Variants in MGMT observed in about 807,000 individuals in gnomAD.
The protein encoded by MGMT is O-6-methylguanine-DNA methyltransferase, also known as methylated-DNA--protein-cysteine methyltransferase.
A neutral mutation model predicts 15.9 loss-of-function variants in MGMT; 14 were observed. That is an observed-to-expected ratio of 0.88 (90% confidence interval 0.58 to 1.37). The LOEUF (loss-of-function observed/expected upper bound fraction) is 1.37. Ranked by LOEUF, MGMT falls within the 40% of genes most tolerant of loss-of-function variation. The pLI, the probability that MGMT is intolerant of heterozygous loss-of-function variation, is 0.00. For missense variants in MGMT, 282 were observed against 268.1 expected, an observed-to-expected ratio of 1.05 and a Z score of -0.36; for synonymous variants, 130 against 118.2, an observed-to-expected ratio of 1.10 and a Z score of -0.65.
At chr10:129,652,213 C>G (rs1315972678) in intron 2 of MGMT, among the ~76,000 whole-genome samples, 1 of 152,244 alleles carries the variant, frequency 6.6e-6, no homozygotes, top group Non-Finnish European at 1.5e-5. Flanking sequence ...ACTCGGGGGG[C>G]CGGCCATGCG....
At chr10:129,693,034 C>T (rs1847987240) in intron 2 of MGMT, among the ~76,000 whole-genome samples, 1 of 152,224 alleles carries the variant, frequency 6.6e-6, no homozygotes, top group Non-Finnish European at 1.5e-5. Flanking sequence ...CACCAATGTA[C>T]TTTTAGTGCA....
chr10:129,667,219 GC>G (rs1847669594), intron 2 of MGMT, among the ~76,000 whole-genome samples: 1 of 152,160 alleles, frequency 6.6e-6, no homozygotes, highest in Non-Finnish European at 1.5e-5. Context: ...TTTTCCTGCT[GC>G]TGCTCCCAGA....
intron 3 of MGMT, among the ~76,000 whole-genome samples, chr10:129,747,202 T>C (rs1848704430): frequency 6.6e-6 from 1 of 152,194 alleles, no homozygotes; most frequent in South Asian, 2.1e-4. Flanking sequence ...TCCTGGGTAT[T>C]TTCCCATAGA....
At chr10:129,727,495 T>G (rs1489807527) in intron 3 of MGMT, among the ~76,000 whole-genome samples, 2 of 152,208 alleles carry the variant, frequency 1.3e-5, no homozygotes, top group Non-Finnish European at 2.9e-5. Context: ...GTCATTTGTG[T>G]TGTTTGGGGC....
intron 2 of MGMT, among the ~76,000 whole-genome samples, chr10:129,686,932 A>G (rs1847910881): frequency 6.6e-6 from 1 of 151,952 alleles, no homozygotes; most frequent in Non-Finnish European, 1.5e-5. Context: ...ACCTCCTAAG[A>G]ACAAAAACAT....
intron 2 of MGMT, among the ~76,000 whole-genome samples, chr10:129,564,668 C>CCCTCCTCTCCTTCCT (rs1564853855): frequency 2.4e-5 from 3 of 123,256 alleles, no homozygotes; most frequent in African/African-American, 9.8e-5. Flanking sequence ...TCCTTCCTCC[C>CCCTCCTCTCCTTCCT]CCTCCTCTCC....
At chr10:129,531,523 C>G (rs1320193155) in intron 1 of MGMT, among the ~76,000 whole-genome samples, 3 of 152,096 alleles carry the variant, frequency 2.0e-5, no homozygotes, top group African/African-American at 7.2e-5. Flanking sequence ...CCGGTGTGCA[C>G]ACCTGCTAGG....
At chr10:129,629,124 A>C (rs1847183142) in intron 2 of MGMT, among the ~76,000 whole-genome samples, 1 of 152,190 alleles carries the variant, frequency 6.6e-6, no homozygotes, top group Non-Finnish European at 1.5e-5. Context: ...CTACACCGCC[A>C]TTTTACCTTC....
At chr10:129,632,707 G>A (rs548155266) in intron 2 of MGMT, among the ~76,000 whole-genome samples, 3 of 152,306 alleles carry the variant, frequency 2.0e-5, no homozygotes, top group African/African-American at 7.2e-5. Context: ...GAGTTTGGGG[G>A]AGAGAGGGAG....
At chr10:129,588,257 TG>T (rs1240693264) in intron 2 of MGMT, among the ~76,000 whole-genome samples, 1 of 152,202 alleles carries the variant, frequency 6.6e-6, no homozygotes, top group Non-Finnish European at 1.5e-5. Flanking sequence ...GCTGACATTT[TG>T]GTTTCACCCG....
chr10:129,472,459 A>G (rs1845242555), intron 1 of MGMT, among the ~76,000 whole-genome samples: 1 of 152,118 alleles, frequency 6.6e-6, no homozygotes, highest in Non-Finnish European at 1.5e-5. Flanking sequence ...GCGAAGAACC[A>G]TTTCGAGCCC....
intron 2 of MGMT, among the ~76,000 whole-genome samples, chr10:129,605,767 C>T (rs759399213): frequency 1.3e-5 from 2 of 152,102 alleles, no homozygotes; most frequent in African/African-American, 4.8e-5. Context: ...CTTTGTTTTG[C>T]GTATTAGCTT....
In MGMT at chr10:129,609,674, T is replaced by C. The variant is rs139631860; in HGVS notation, c.125+73297T>C. 4.6e-3 allele frequency among the ~76,000 whole-genome samples: 703 copies of C among 152,278 alleles called. 3 individuals are homozygous for C. The highest frequency in any genetic ancestry group is 0.016 in the African/African-American group (668 of 41,556). On this transcript the variant is annotated intron_variant, in intron 2 of 4. Coordinates refer to ENST00000651593, the MANE Select transcript of MGMT (RefSeq NM_002412.5). ...CTGATACTTCCATTCGGGAGCAGGA[T>C]GAGTAAGACCTGGTGCTTCTTTGCT...
intron 2 of MGMT, among the ~76,000 whole-genome samples, chr10:129,679,583 A>T (rs183017000): frequency 6.6e-6 from 1 of 152,122 alleles, no homozygotes; most frequent in Non-Finnish European, 1.5e-5. Flanking sequence ...AAGTAATAGG[A>T]TATCCTTTAG....
intron 2 of MGMT, among the ~76,000 whole-genome samples, chr10:129,653,335 G>A (rs1847484441): frequency 6.6e-6 from 1 of 152,158 alleles, no homozygotes; most frequent in Admixed American, 6.5e-5. Flanking sequence ...TGAAAACATT[G>A]ATCATTTTCC....
At chr10:129,580,644 A>T (rs1283604102) in intron 2 of MGMT, among the ~76,000 whole-genome samples, 1 of 152,008 alleles carries the variant, frequency 6.6e-6, no homozygotes, top group African/African-American at 2.4e-5. Flanking sequence ...GTCTCTAACC[A>T]CTAGCTACAA....
intron 2 of MGMT, among the ~76,000 whole-genome samples, chr10:129,668,158 C>T (rs1034623656): frequency 5.9e-5 from 9 of 151,912 alleles, no homozygotes; most frequent in South Asian, 2.1e-4. Context: ...CCCATAAGAA[C>T]GTGAAGAAAA....
At chr10:129,502,379 G>C (rs1173773448) in intron 1 of MGMT, among the ~76,000 whole-genome samples, 5 of 152,092 alleles carry the variant, frequency 3.3e-5, no homozygotes, top group African/African-American at 1.2e-4. Context: ...GGCATATTTA[G>C]TTAATACGTT....
chr10:129,738,020 C>G (rs888558346), intron 3 of MGMT, among the ~76,000 whole-genome samples: 6 of 152,344 alleles, frequency 3.9e-5, no homozygotes, highest in East Asian at 3.9e-4. Flanking sequence ...GGTCTGTGCC[C>G]TGCCCCCAGA....
Sources: gnomAD v4.1 joint callset for allele counts (sites outside exome capture counted in the v4.1 genomes callset) on GRCh38, gnomAD v4.1.1 for gene constraint, MANE v1.5 for transcripts, NCBI Gene and HGNC (gene_info 2026-07-23, HGNC 2026-07-21) for gene names.